The following CAMKMT variants were observed in gnomAD, a reference collection of about 807,000 sequenced individuals.
CAMKMT encodes CaM KMT.
Under a neutral mutation model 48.0 loss-of-function variants are expected in CAMKMT, and 53 were observed. The ratio of observed to expected loss-of-function variants is 1.10; its 90% confidence interval spans 0.89 to 1.39. The LOEUF is 1.39. CAMKMT is among the 40% of genes most tolerant of loss of function. The probability of loss-of-function intolerance (pLI) is 0.00; values close to 1 mark genes in which losing one functional copy is unlikely to be tolerated. For missense variants in CAMKMT, 428 were observed against 402.7 expected (o/e 1.06, Z -0.54); for synonymous variants, 165 against 152.3 (o/e 1.08, Z -0.61).
chr2:44,443,255 C>G (rs1005643158), intron 3 of CAMKMT, among the ~76,000 whole-genome samples: 2 of 152,132 alleles, frequency 1.3e-5, no homozygotes, highest in Non-Finnish European at 2.9e-5. Flanking sequence ...ACTCTCAGGG[C>G]TTTTCATCTG....
chr2:44,519,912 T>C (rs1671014694), intron 3 of CAMKMT, among the ~76,000 whole-genome samples: 1 of 152,078 alleles, frequency 6.6e-6, no homozygotes, highest in South Asian at 2.1e-4. Context: ...CAGATAGTTT[T>C]TAAATTTTAG....
chr2:44,704,956 T>C (rs981707668), intron 4 of CAMKMT, among the ~76,000 whole-genome samples: 1 of 152,090 alleles, frequency 6.6e-6, no homozygotes, highest in Non-Finnish European at 1.5e-5. Flanking sequence ...AAAAAAACTT[T>C]ATTTGAAAAT....
chr2:44,660,361 G>T (rs1215134413), intron 3 of CAMKMT, among the ~76,000 whole-genome samples: 3 of 152,212 alleles, frequency 2.0e-5, no homozygotes, highest in Non-Finnish European at 1.5e-5. Context: ...TCCTGGAAGT[G>T]TCAAGGGGAT....
chr2:44,541,998 C>T (rs535569587), intron 3 of CAMKMT, among the ~76,000 whole-genome samples: 43 of 151,880 alleles, frequency 2.8e-4, no homozygotes, highest in African/African-American at 9.4e-4. Flanking sequence ...CATGGTGGCA[C>T]GCGCCTGTAA....
At chr2:44,370,832 A>G (rs997297905) in intron 1 of CAMKMT, among the ~76,000 whole-genome samples, 1 of 152,076 alleles carries the variant, frequency 6.6e-6, no homozygotes, top group African/African-American at 2.4e-5. Flanking sequence ...TTTTTCAGAG[A>G]TAGAGCCTCA....
At chr2:44,708,196 A>G (rs1245302474) in intron 6 of CAMKMT, among the ~76,000 whole-genome samples, 1 of 92,512 alleles carries the variant, frequency 1.1e-5, no homozygotes, top group Non-Finnish European at 2.1e-5. Context: ...AAAGTGGCAG[A>G]TATGTTTGCT....
At chr2:44,614,153 A>G (rs1198818366) in intron 3 of CAMKMT, among the ~76,000 whole-genome samples, 1 of 152,220 alleles carries the variant, frequency 6.6e-6, no homozygotes, top group Non-Finnish European at 1.5e-5. Flanking sequence ...GAAAGGTTGT[A>G]TTTGGACTAG....
At chr2:44,451,731 G>C (rs930368091) in intron 3 of CAMKMT, among the ~76,000 whole-genome samples, 46 of 151,728 alleles carry the variant, frequency 3.0e-4, no homozygotes, top group African/African-American at 1.1e-3. Flanking sequence ...GGCTAGATAT[G>C]TGATAAAACA....
chr2:44,582,699 C>A (rs945951353), intron 3 of CAMKMT, among the ~76,000 whole-genome samples: 10 of 152,118 alleles, frequency 6.6e-5, no homozygotes, highest in Non-Finnish European at 1.5e-4. Context: ...ATCTCTTACC[C>A]AAAATGTTGG....
chr2:44,444,106 A>T (rs936617133), intron 3 of CAMKMT, among the ~76,000 whole-genome samples: 2 of 152,182 alleles, frequency 1.3e-5, no homozygotes, highest in Non-Finnish European at 2.9e-5. Context: ...TGAGTGATTT[A>T]TTCTAAACTT....
intron 3 of CAMKMT, among the ~76,000 whole-genome samples, chr2:44,514,786 A>G (rs1206971228): frequency 1.3e-5 from 2 of 152,234 alleles, no homozygotes; most frequent in South Asian, 2.1e-4. Flanking sequence ...ATTATATGCA[A>G]CGGTTGTTGC....
chr2:44,662,536 A>C (rs1454652138), intron 3 of CAMKMT, among the ~76,000 whole-genome samples: 1 of 152,220 alleles, frequency 6.6e-6, no homozygotes, highest in Non-Finnish European at 1.5e-5. Context: ...GAATCCATTG[A>C]AGTTTCACAA....
chr2:44,473,794 C>T (rs1425571331), intron 3 of CAMKMT, among the ~76,000 whole-genome samples: 1 of 152,190 alleles, frequency 6.6e-6, no homozygotes, highest in Non-Finnish European at 1.5e-5. Flanking sequence ...AATTCAACTA[C>T]CTAGAGACTT....
At chr2:44,588,702 GA>G (rs1356686792) in intron 3 of CAMKMT, among the ~76,000 whole-genome samples, 4 of 40,898 alleles carry the variant, frequency 9.8e-5, no homozygotes, top group African/African-American at 2.1e-4. Flanking sequence ...GAGGTGGGGG[GA>G]TCAGCCCCCC....
At chr2:44,397,058 CAAAA>C (rs59188592) in intron 3 of CAMKMT, among the ~76,000 whole-genome samples, 23 of 120,396 alleles carry the variant, frequency 1.9e-4, no homozygotes, top group Admixed American at 2.6e-4. Flanking sequence ...GACTCCATCT[CAAAA>C]AAAAAAAAAA....
At chr2:44,584,942 C>T (rs1465736802) in intron 3 of CAMKMT, among the ~76,000 whole-genome samples, 1 of 151,612 alleles carries the variant, frequency 6.6e-6, no homozygotes, top group African/African-American at 2.4e-5. Flanking sequence ...GTAGTCCCAG[C>T]TACTTGGGAG....
intron 3 of CAMKMT, chr2:44,456,843 T>G (rs1363134819): frequency 2.5e-5 from 11 of 437,196 alleles, no homozygotes; most frequent in African/African-American, 8.0e-5. Context: ...TTATGTTTTC[T>G]ACAAAGCTAG....
chr2:44,716,872 T>G (rs1678201363), intron 7 of CAMKMT, among the ~76,000 whole-genome samples: 2 of 152,202 alleles, frequency 1.3e-5, no homozygotes, highest in Non-Finnish European at 2.9e-5. Flanking sequence ...AGATTTCAGC[T>G]TCATGCTGTG....
intron 3 of CAMKMT, among the ~76,000 whole-genome samples, chr2:44,562,460 G>A (rs940552688): frequency 3.9e-5 from 6 of 152,072 alleles, no homozygotes; most frequent in African/African-American, 1.2e-4. Flanking sequence ...TCCCTGGGAG[G>A]TGAGTATTAT....
Sources: allele counts gnomAD v4.1 joint callset (sites outside exome capture counted in the v4.1 genomes callset), GRCh38; gene constraint gnomAD v4.1.1; transcripts MANE v1.5; gene names NCBI Gene and HGNC (gene_info 2026-07-23, HGNC 2026-07-21).